GRK3: variants seen among roughly 807,000 people sequenced by gnomAD.
The protein encoded by GRK3 is adrenergic, beta, receptor kinase 2.
In GRK3, 54 loss-of-function variants were observed where a neutral mutation model predicts 95.7. That is an observed-to-expected ratio of 0.56 (90% CI 0.45 to 0.71). GRK3 has a LOEUF of 0.71. GRK3 is among the 30% of genes least tolerant of loss of function. The pLI, the probability that GRK3 is intolerant of heterozygous loss-of-function variation, is 0.00. For missense variants in GRK3, 649 were observed against 851.2 expected (o/e 0.76, Z 2.96); for synonymous variants, 281 against 290.8 (o/e 0.97, Z 0.34).
Position 25,725,346 on chromosome 22 carries a change from A to G in GRK3, c.*2896A>G. 2.6e-6 allele frequency: 1 copy of G among 389,028 alleles called. No individual in the cohort carries two copies. The highest frequency in any genetic ancestry group is 4.5e-6 in the Non-Finnish European group (1 of 220,762). The allele number at this position is 389,028 out of a possible 1,614,324, so 24.1% of individuals were successfully genotyped here. On this transcript the variant is annotated 3_prime_UTR_variant, in exon 21 of 21. Coordinates refer to ENST00000324198, the MANE Select transcript of GRK3 (RefSeq NM_005160.4). ...TCATGCGGTAATAAGTCTTGATTTC[A>G]TGATTCAAAAGAATCAATAAAGCCT...
chr22:25,714,328 C>G, intron 17 of GRK3, 80 bp from the exon 18 acceptor site: 1 of 1,215,430 alleles, frequency 8.2e-7, no homozygotes, highest in Admixed American at 2.2e-5. Flanking sequence ...ATGATAGAGT[C>G]ACCATGGATG....
At chr22:25,625,172 C>G (rs2084617953) in intron 2 of GRK3, among the ~76,000 whole-genome samples, 1 of 152,076 alleles carries the variant, frequency 6.6e-6, no homozygotes, top group Non-Finnish European at 1.5e-5. Context: ...ACCGAGGACA[C>G]GAGCTGTTCC....
At chr22:25,608,919 C>T (rs911842292) in intron 2 of GRK3, among the ~76,000 whole-genome samples, 19 of 152,228 alleles carry the variant, frequency 1.2e-4, no homozygotes, top group East Asian at 1.9e-4. Context: ...ATACAGCAGG[C>T]GAAATCTCCA....
At chr22:25,646,253 A>G (rs1286264621) in intron 3 of GRK3, among the ~76,000 whole-genome samples, 1 of 152,212 alleles carries the variant, frequency 6.6e-6, no homozygotes, top group African/African-American at 2.4e-5. Context: ...CATATGTTCA[A>G]GAAAAAAGAG....
Position 25,667,778 on chromosome 22 carries a change from AT to A in GRK3, c.486del (p.Gln163LysfsTer20). On this transcript the variant is annotated frameshift_variant, in exon 6 of 21. Transcript: ENST00000324198. LOFTEE classifies it high-confidence loss of function. ...AATTTGTGAAAGCCTTCGAGGTGAC[AT>A]TTTTCAAAAATTTATGGAAAGGTAT... The part of the protein sequence containing the change: ...EEICESLRGD[I>X]FQKFMESDKF... 6.2e-7 allele frequency: 1 copy of A among 1,611,504 alleles called. No individual in the cohort carries two copies. The highest frequency in any genetic ancestry group is 8.5e-7 in the Non-Finnish European group (1 of 1,177,826).
At chr22:25,657,600 AT>A (rs533826746) in intron 3 of GRK3, among the ~76,000 whole-genome samples, 14 of 152,008 alleles carry the variant, frequency 9.2e-5, no homozygotes, top group South Asian at 6.2e-4. Flanking sequence ...TGTCTTGATT[AT>A]TTTTTTCCCT....
In GRK3 at chr22:25,728,470, G is replaced by A. The variant is rs17696356; in HGVS notation, c.*6020G>A. 0.098 allele frequency: 14,962 copies of A among 152,196 alleles called. 1,043 individuals are homozygous for A. Among genetic ancestry groups the A allele is most frequent in the Non-Finnish European group, 0.15 (10,209 of 67,996 alleles). The allele number at this position is 152,196 out of a possible 1,614,324, so 9.4% of individuals were successfully genotyped here. A position where few individuals can be genotyped will look rare whatever the true frequency, so the allele number is the denominator to read the frequency against. On this transcript the variant is annotated 3_prime_UTR_variant, in exon 21 of 21. Transcript: ENST00000324198. The stretch of plus-strand genomic sequence containing the variant: ...ATTGTCCAGGAGCCCCTGTGTGTGG[G>A]GCAGGTAGCTATCCCTCCCATGTCA...
chr22:25,690,179 T>C lies in GRK3; in HGVS notation c.958-10T>C. ...GCACTCTTATTAAAGATTATTCTCT[T>C]TCTGTTTAGCCAGCAAATATTCTCT... On this transcript the variant is annotated splice_polypyrimidine_tract_variant and intron_variant, in intron 11 of 20. Transcript: ENST00000324198. 2 of 1,609,828 alleles carry C rather than the reference T, an allele frequency of 1.2e-6. No homozygotes were observed. The highest frequency in any genetic ancestry group is 1.7e-6 in the Non-Finnish European group (2 of 1,176,294).
intron 18 of GRK3, among the ~76,000 whole-genome samples, chr22:25,716,385 T>C (rs1269772996): frequency 6.6e-6 from 1 of 152,160 alleles, no homozygotes. Flanking sequence ...GTCGACTTGC[T>C]CAAGGGGGGG....
chr22:25,692,961 G>T (rs2085176860), intron 12 of GRK3, among the ~76,000 whole-genome samples: 1 of 152,212 alleles, frequency 6.6e-6, no homozygotes, highest in Non-Finnish European at 1.5e-5. Flanking sequence ...TCTTCCAGCG[G>T]CTGGCCCATC....
At position 25,703,998 on chromosome 22, in the gene GRK3, G is replaced by A. The variant is rs560125167; in HGVS notation, c.1228-111G>A. 33 of 725,746 alleles carry A rather than the reference G, an allele frequency of 4.5e-5. No individual in the cohort carries two copies. In the South Asian group the frequency reaches 5.4e-4, roughly 12 times the overall value. The allele number at this position is 725,746 out of a possible 1,614,324, so 45.0% of individuals were successfully genotyped here. On this transcript the variant is annotated intron_variant, in intron 14 of 20. Transcript: ENST00000324198. ...AGAGTAAATATTAATTCATAATGAGGCTGCAATTTTTAATACTATGCTTAT... is the reference window on the plus strand; with the variant it reads ...AGAGTAAATATTAATTCATAATGAGACTGCAATTTTTAATACTATGCTTAT...
chr22:25,721,655 A>G (rs1426626584), intron 20 of GRK3, among the ~76,000 whole-genome samples: 1 of 152,184 alleles, frequency 6.6e-6, no homozygotes, highest in African/African-American at 2.4e-5. Flanking sequence ...TAGGGCTGGA[A>G]TTTTATTTGT....
rs1255759828 is a variant in GRK3 at position 25,614,753 on chromosome 22, A to G, written c.190+10300A>G. Among the ~76,000 whole-genome samples the G allele has an allele frequency of 1.3e-5, 2 of 152,226 alleles. 1 individual carries two copies. Among genetic ancestry groups the G allele is most frequent in the Non-Finnish European group, 2.9e-5 (2 of 68,046 alleles). On this transcript the variant is annotated intron_variant, in intron 2 of 20. Coordinates refer to ENST00000324198, the MANE Select transcript of GRK3 (RefSeq NM_005160.4). ...CTGTATAATTTTTATTTCCTATATA[A>G]TAATACTAAAATCCAGGATTTGGCA...
intron 1 of GRK3, among the ~76,000 whole-genome samples, chr22:25,590,592 C>A (rs928617728): frequency 6.6e-6 from 1 of 152,004 alleles, no homozygotes; most frequent in Non-Finnish European, 1.5e-5. Context: ...AAGGCTGAGG[C>A]GGATGGATCA....
intron 2 of GRK3, among the ~76,000 whole-genome samples, chr22:25,622,363 C>T (rs1447065712): frequency 6.6e-6 from 1 of 152,164 alleles, no homozygotes; most frequent in African/African-American, 2.4e-5. Flanking sequence ...GTTTGCTGTG[C>T]AGTGGGATCG....
At chr22:25,697,633 G>A (rs557019758) in intron 13 of GRK3, among the ~76,000 whole-genome samples, 151 of 152,338 alleles carry the variant, frequency 9.9e-4, no homozygotes, top group Middle Eastern at 3.4e-3. Flanking sequence ...CTGGAAGGCC[G>A]TCTTGTTGAA....
At chr22:25,568,855 A>T (rs551865669) in intron 1 of GRK3, among the ~76,000 whole-genome samples, 1 of 152,368 alleles carries the variant, frequency 6.6e-6, no homozygotes, top group East Asian at 1.9e-4. Flanking sequence ...CATAGAACAC[A>T]TGATGTTTGG....
intron 10 of GRK3, 152 bp from the exon 11 acceptor site, chr22:25,687,385 G>A (rs1304991880): frequency 1.4e-6 from 1 of 702,172 alleles, no homozygotes; most frequent in Non-Finnish European, 2.3e-6. Flanking sequence ...CATTTAAGCT[G>A]TTGCTAAACT....
chr22:25,587,730 A>C (rs1483741290), intron 1 of GRK3, among the ~76,000 whole-genome samples: 1 of 152,206 alleles, frequency 6.6e-6, no homozygotes, highest in Admixed American at 6.5e-5. Context: ...ATCACGGGGC[A>C]GTTTCTCCCA....
Sources: allele counts gnomAD v4.1 joint callset (sites outside exome capture counted in the v4.1 genomes callset), GRCh38; gene constraint gnomAD v4.1.1; transcripts MANE v1.5; gene names NCBI Gene and HGNC (gene_info 2026-07-23, HGNC 2026-07-21).